PRIM2: variants seen among roughly 807,000 people sequenced by gnomAD.
PRIM2 encodes the protein DNA primase subunit 2, also known as DNA primase large subunit.
PRIM2 carries 39 observed loss-of-function variants against 67.3 expected under a neutral mutation model. The observed-to-expected ratio is 0.58, with a 90% confidence interval of 0.45 to 0.76. The LOEUF is 0.76. PRIM2 is among the 30% of genes least tolerant of loss of function. The probability of loss-of-function intolerance (pLI) is 0.00; values close to 1 mark genes in which losing one functional copy is unlikely to be tolerated. For synonymous variants in PRIM2, 143 were observed against 198.7 expected (o/e 0.72, Z 2.36); for missense variants, 398 against 598.7 (o/e 0.66, Z 3.50).
chr6:57,630,727 T>A (rs1394162210), intron 12 of PRIM2, among the ~76,000 whole-genome samples: 1 of 152,118 alleles, frequency 6.6e-6, no homozygotes, highest in Non-Finnish European at 1.5e-5. Flanking sequence ...AAAATTCTAA[T>A]TCAGATATTA....
At chr6:57,582,399 C>G (rs1776104979) in intron 10 of PRIM2, among the ~76,000 whole-genome samples, 1 of 152,122 alleles carries the variant, frequency 6.6e-6, no homozygotes, top group South Asian at 2.1e-4. Flanking sequence ...GTGTCCTCAA[C>G]TTGATAATTA....
intron 7 of PRIM2, among the ~76,000 whole-genome samples, chr6:57,433,379 T>TCCCTCCC (rs1771896478): frequency 7.4e-6 from 1 of 136,046 alleles, no homozygotes; most frequent in African/African-American, 2.8e-5. Flanking sequence ...CCTAATGCTA[T>TCCCTCCC]CCCTCCCCCC....
chr6:57,486,475 A>G, intron 7 of PRIM2, among the ~76,000 whole-genome samples: 1 of 152,254 alleles, frequency 6.6e-6, no homozygotes. Context: ...GGCTGGAGGC[A>G]GGAAGACCAC....
At chr6:57,431,994 T>A (rs73749601) in intron 7 of PRIM2, among the ~76,000 whole-genome samples, 1 of 152,188 alleles carries the variant, frequency 6.6e-6, no homozygotes, top group Non-Finnish European at 1.5e-5. Context: ...TTGGGTCTAA[T>A]GTAGGTATTT....
chr6:57,318,739 C>T, intron 2 of PRIM2, 140 bp downstream of exon 2: 1 of 690,012 alleles, frequency 1.4e-6, no homozygotes, highest in South Asian at 2.0e-5. Context: ...ATCCTTCATT[C>T]AGCAATCCAT....
intron 7 of PRIM2, among the ~76,000 whole-genome samples, chr6:57,412,552 TCTC>T (rs1169660122): frequency 4.6e-5 from 7 of 151,718 alleles, no homozygotes; most frequent in African/African-American, 1.4e-4. Flanking sequence ...AGTTTGTACT[TCTC>T]CACATGATAT....
intron 5 of PRIM2, among the ~76,000 whole-genome samples, chr6:57,346,483 C>T (rs1204916285): frequency 6.6e-6 from 1 of 152,066 alleles, no homozygotes; most frequent in East Asian, 1.9e-4. Context: ...CCATGCCTGG[C>T]TAATTTTTGT....
At chr6:57,292,312 G>A in the PRIM2 span, among the ~76,000 whole-genome samples, 3 of 152,194 alleles carry the variant, frequency 2.0e-5, no homozygotes, top group African/African-American at 7.2e-5. Context: ...CCTCTTCAAG[G>A]ACAACTACAA....
intron 12 of PRIM2, among the ~76,000 whole-genome samples, chr6:57,614,209 G>C (rs1776714500): frequency 1.3e-5 from 2 of 152,194 alleles, no homozygotes; most frequent in African/African-American, 4.8e-5. Flanking sequence ...GAGGGATCTA[G>C]GTTGTGCGCT....
Position 57,646,794 on chromosome 6 carries a change from T to A in PRIM2, c.*636T>A, listed in dbSNP as rs1777344653. On this transcript the variant is annotated 3_prime_UTR_variant, in exon 14 of 14. Coordinates refer to ENST00000615550, the MANE Select transcript of PRIM2 (RefSeq NM_000947.5). ...CTTTTGTTTTAACTCTTAATCACTT[T>A]GTAATTTTGACTCAATCCTTTTCTG... 6.6e-6 allele frequency: 1 copy of A among 152,260 alleles called. No homozygotes were observed. The highest frequency in any genetic ancestry group is 2.4e-5 in the African/African-American group (1 of 41,472). 9.4% of individuals were successfully genotyped at this position (152,260 alleles called of 1,614,324 possible). A position where few individuals can be genotyped will look rare whatever the true frequency, so the allele number is the denominator to read the frequency against.
rs545673174 is a variant in PRIM2 at position 57,417,386 on chromosome 6, A to G, written c.693+35218A>G. ...GCACATGAGGCCTAGCTTTCAACCT[A>G]TCTCCATTTTTGATATACCTTTCTC... On this transcript the variant is annotated intron_variant, in intron 7 of 13. Coordinates refer to ENST00000615550, the MANE Select transcript of PRIM2 (RefSeq NM_000947.5). 1.2e-4 allele frequency among the ~76,000 whole-genome samples: 19 copies of G among 152,244 alleles called. No individual in the cohort carries two copies. In the East Asian group the frequency reaches 3.5e-3, roughly 28 times the overall value.
intron 7 of PRIM2, among the ~76,000 whole-genome samples, chr6:57,428,915 T>G (rs1771725018): frequency 6.6e-6 from 1 of 152,206 alleles, no homozygotes. Flanking sequence ...TATATATGTA[T>G]TCTATGAACC....
chr6:57,465,669 A>G lies in PRIM2; in HGVS notation c.694-41718A>G, dbSNP rs1373703124. ...ACCTCTGTGTGCCTCAGGTCCCTCA[A>G]ATGTAAGAAGGGGAAATAATAGCAT... On this transcript the variant is annotated intron_variant, in intron 7 of 13. Transcript: ENST00000615550. Among the ~76,000 whole-genome samples the G allele has an allele frequency of 2.0e-5, 3 of 152,188 alleles. No homozygotes were observed. In the East Asian group the frequency reaches 5.8e-4, roughly 29 times the overall value.
chr6:57,371,986 G>A (rs62417988), intron 5 of PRIM2, among the ~76,000 whole-genome samples: 2 of 152,196 alleles, frequency 1.3e-5, no homozygotes, highest in South Asian at 4.1e-4. Context: ...TAGCAAATAC[G>A]AAAGCAAAAT....
At chr6:57,396,000 C>T (rs1770503821) in intron 7 of PRIM2, among the ~76,000 whole-genome samples, 1 of 152,104 alleles carries the variant, frequency 6.6e-6, no homozygotes, top group Non-Finnish European at 1.5e-5. Context: ...CAGTTATATT[C>T]CATTGTGGTC....
chr6:57,617,138 C>T (rs1342548073), intron 12 of PRIM2, among the ~76,000 whole-genome samples: 54 of 152,316 alleles, frequency 3.5e-4, no homozygotes, highest in African/African-American at 1.3e-3. Flanking sequence ...TCTGTTCCCA[C>T]GTTTTTCCCA....
At chr6:57,305,547 G>A in the PRIM2 span, among the ~76,000 whole-genome samples, 6 of 152,124 alleles carry the variant, frequency 3.9e-5, no homozygotes, top group Non-Finnish European at 7.3e-5. Flanking sequence ...GGATCGAGAT[G>A]GATTCATGTG....
intron 7 of PRIM2, among the ~76,000 whole-genome samples, chr6:57,442,900 A>T (rs1373164072): frequency 6.6e-6 from 1 of 152,036 alleles, no homozygotes; most frequent in Non-Finnish European, 1.5e-5. Flanking sequence ...CTCTTAACTG[A>T]TATTTTGTAC....
At chr6:57,602,979 G>A (rs1268057154) in intron 11 of PRIM2, among the ~76,000 whole-genome samples, 3 of 152,166 alleles carry the variant, frequency 2.0e-5, no homozygotes, top group Non-Finnish European at 4.4e-5. Context: ...ACTGGTACAT[G>A]TGTTACAATT....
Sources: allele counts gnomAD v4.1 joint callset (sites outside exome capture counted in the v4.1 genomes callset), GRCh38; gene constraint gnomAD v4.1.1; transcripts MANE v1.5; gene names NCBI Gene and HGNC (gene_info 2026-07-23, HGNC 2026-07-21).